The following CNTNAP2 variants were observed in gnomAD, a reference collection of about 807,000 sequenced individuals.
CNTNAP2 encodes the protein contactin associated protein 2, also known as contactin-associated protein-like 2.
CNTNAP2 carries 98 observed loss-of-function variants against 155.2 expected under a neutral mutation model. The ratio of observed to expected loss-of-function variants is 0.63; its 90% confidence interval spans 0.54 to 0.75. The LOEUF (loss-of-function observed/expected upper bound fraction) is 0.75, where lower values mean the gene tolerates loss of function less well. Among genes scored for constraint, CNTNAP2 ranks in the 30% least tolerant of loss-of-function variants. The pLI, the probability that CNTNAP2 is intolerant of heterozygous loss-of-function variation, is 0.00. For synonymous variants in CNTNAP2, 651 were observed against 631.2 expected (o/e 1.03, Z -0.47); for missense variants, 1,727 against 1,688.1 (o/e 1.02, Z -0.40).
intron 12 of CNTNAP2, among the ~76,000 whole-genome samples, chr7:147,605,435 G>A (rs941861135): frequency 2.9e-4 from 44 of 152,272 alleles, no homozygotes; most frequent in African/African-American, 9.6e-4. Flanking sequence ...TCTAAGGGTG[G>A]TGGTGACACA....
intron 4 of CNTNAP2, among the ~76,000 whole-genome samples, chr7:147,044,906 C>A (rs1397542624): frequency 6.6e-6 from 1 of 151,994 alleles, no homozygotes; most frequent in East Asian, 1.9e-4. Flanking sequence ...ATGGTGAATT[C>A]TTCTTGAGAG....
chr7:146,412,250 A>G (rs531578570), intron 1 of CNTNAP2, among the ~76,000 whole-genome samples: 16 of 152,366 alleles, frequency 1.1e-4, no homozygotes, highest in Admixed American at 5.2e-4. Context: ...AACAAGTAAC[A>G]AAGTCACTAC....
intron 1 of CNTNAP2, among the ~76,000 whole-genome samples, chr7:146,229,632 A>G (rs1799352101): frequency 6.6e-6 from 1 of 152,244 alleles, no homozygotes; most frequent in East Asian, 1.9e-4. Context: ...TGGAAACTTC[A>G]GTTGCCAAAT....
chr7:146,500,751 T>C (rs1278941668), intron 1 of CNTNAP2, among the ~76,000 whole-genome samples: 1 of 152,178 alleles, frequency 6.6e-6, no homozygotes, highest in Non-Finnish European at 1.5e-5. Context: ...GAACCACCAA[T>C]ACAGTGTAGA....
intron 11 of CNTNAP2, among the ~76,000 whole-genome samples, chr7:147,555,243 G>A (rs1216275525): frequency 6.6e-6 from 1 of 152,108 alleles, no homozygotes. Flanking sequence ...AGAATAAGGA[G>A]GGCCCCAGAG....
chr7:147,532,390 C>T (rs920474344), intron 11 of CNTNAP2, among the ~76,000 whole-genome samples: 7 of 152,160 alleles, frequency 4.6e-5, no homozygotes, highest in Non-Finnish European at 7.3e-5. Context: ...CTGAGACCAC[C>T]TCAGCCTGGA....
chr7:146,603,164 G>C (rs1190800926), intron 1 of CNTNAP2, among the ~76,000 whole-genome samples: 1 of 151,442 alleles, frequency 6.6e-6, no homozygotes, highest in African/African-American at 2.4e-5. Context: ...TGTAATCCCA[G>C]CACTTTGGGA....
chr7:146,126,075 T>C (rs1469354636), intron 1 of CNTNAP2, among the ~76,000 whole-genome samples: 3 of 152,310 alleles, frequency 2.0e-5, no homozygotes, highest in Non-Finnish European at 2.9e-5. Flanking sequence ...AGTTTGCAAA[T>C]GAAAAAATCA....
intron 21 of CNTNAP2, among the ~76,000 whole-genome samples, chr7:148,279,504 A>G (rs1796935156): frequency 6.6e-6 from 1 of 152,198 alleles, no homozygotes; most frequent in South Asian, 2.1e-4. Flanking sequence ...CTGGGAGAGA[A>G]GTAGTTTAGG....
chr7:146,726,065 G>T (rs2129178463), intron 1 of CNTNAP2, among the ~76,000 whole-genome samples: 1 of 152,216 alleles, frequency 6.6e-6, no homozygotes, highest in East Asian at 1.9e-4. Context: ...ACACAATAAG[G>T]ACCAGTGGCT....
chr7:146,403,851 T>C (rs1371346834), intron 1 of CNTNAP2, among the ~76,000 whole-genome samples: 1 of 152,116 alleles, frequency 6.6e-6, no homozygotes, highest in Admixed American at 6.5e-5. Context: ...TGAGATTCAG[T>C]CAGAACTTGG....
chr7:147,090,151 G>A (rs549933663), intron 4 of CNTNAP2, among the ~76,000 whole-genome samples: 1 of 152,094 alleles, frequency 6.6e-6, no homozygotes, highest in East Asian at 1.9e-4. Flanking sequence ...TGCATGTTAT[G>A]GTAAAAATAT....
intron 1 of CNTNAP2, among the ~76,000 whole-genome samples, chr7:146,395,066 A>ATTTC (rs368266864): frequency 2.0e-5 from 3 of 152,072 alleles, no homozygotes; most frequent in African/African-American, 7.2e-5. Flanking sequence ...AAAAGACATT[A>ATTTC]TTTCTTTCTT....
At chr7:146,172,880 T>A (rs1378987737) in intron 1 of CNTNAP2, among the ~76,000 whole-genome samples, 1 of 152,208 alleles carries the variant, frequency 6.6e-6, no homozygotes, top group Non-Finnish European at 1.5e-5. Flanking sequence ...AAATGCTGAC[T>A]TTTTGGTCCC....
intron 15 of CNTNAP2, among the ~76,000 whole-genome samples, chr7:148,037,865 G>A (rs763578535): frequency 6.6e-6 from 1 of 152,130 alleles, no homozygotes; most frequent in Non-Finnish European, 1.5e-5. Context: ...CTTTACAATG[G>A]TGGGACAGCG....
intron 8 of CNTNAP2, among the ~76,000 whole-genome samples, chr7:147,211,172 G>A (rs1584795189): frequency 2.6e-5 from 4 of 152,070 alleles, no homozygotes; most frequent in Admixed American, 2.6e-4. Flanking sequence ...TCAAATTTAA[G>A]TCTAGAATTT....
chr7:147,927,569 T>A (rs1050294379), intron 14 of CNTNAP2, among the ~76,000 whole-genome samples: 1 of 152,320 alleles, frequency 6.6e-6, no homozygotes, highest in South Asian at 2.1e-4. Context: ...GGCTAGTAAA[T>A]TGACCAATAT....
intron 9 of CNTNAP2, among the ~76,000 whole-genome samples, chr7:147,323,562 G>C (rs1218197424): frequency 2.0e-5 from 3 of 151,630 alleles, no homozygotes; most frequent in Non-Finnish European, 4.4e-5. Context: ...TGTTGATTTG[G>C]GGTGGAGAGT....
intron 1 of CNTNAP2, among the ~76,000 whole-genome samples, chr7:146,650,617 C>G (rs1318437841): frequency 6.6e-6 from 1 of 151,984 alleles, no homozygotes; most frequent in African/African-American, 2.4e-5. Context: ...GTGCAGCAAA[C>G]CACCACGCAG....
Sources: gnomAD v4.1 joint callset for allele counts (sites outside exome capture counted in the v4.1 genomes callset) on GRCh38, gnomAD v4.1.1 for gene constraint, MANE v1.5 for transcripts, NCBI Gene and HGNC (gene_info 2026-07-23, HGNC 2026-07-21) for gene names.